Variants in METTL9 observed in about 807,000 individuals in gnomAD.
METTL9 encodes the protein methyltransferase 9, His-X-His N1(pi)-histidine, also known as protein-L-histidine N-pros-methyltransferase.
A neutral mutation model predicts 36.0 loss-of-function variants in METTL9; 10 were observed. The observed-to-expected ratio is 0.28, with a 90% CI of 0.17 to 0.47. The LOEUF (loss-of-function observed/expected upper bound fraction) is 0.47, where lower values mean the gene tolerates loss of function less well. Among genes scored for constraint, METTL9 ranks in the 20% least tolerant of loss-of-function variants. The pLI, the probability that METTL9 is intolerant of heterozygous loss-of-function variation, is 0.99. For missense variants in METTL9, 246 were observed against 383.5 expected, an observed-to-expected ratio of 0.64 and a Z score of 3.00; for synonymous variants, 175 against 149.7, an observed-to-expected ratio of 1.17 and a Z score of -1.23.
chr16:21,644,824 A>G (rs1966383266), intron 4 of METTL9, among the ~76,000 whole-genome samples: 1 of 152,184 alleles, frequency 6.6e-6, no homozygotes, highest in Non-Finnish European at 1.5e-5. Context: ...TAAGGGTGAT[A>G]TTTATAGCCT....
intron 4 of METTL9, chr16:21,644,472 C>T: frequency 3.9e-6 from 4 of 1,035,462 alleles, no homozygotes; most frequent in Admixed American, 2.0e-5. Flanking sequence ...AAGTATCCTT[C>T]ACACTGCGTT....
At chr16:21,643,171 GAA>G (rs760770473) in intron 4 of METTL9, 9 of 1,564,238 alleles carry the variant, frequency 5.8e-6, no homozygotes, top group Non-Finnish European at 6.1e-6. Flanking sequence ...AGACAAATGA[GAA>G]AAAAAAATTC....
chr16:21,625,567 T>C (rs974447693), intron 4 of METTL9, among the ~76,000 whole-genome samples: 4 of 152,186 alleles, frequency 2.6e-5, no homozygotes, highest in Non-Finnish European at 5.9e-5. Flanking sequence ...TGTTTTTTTC[T>C]CTTTTGAAGA....
chr16:21,617,438 A>AC (rs967275856), intron 2 of METTL9, among the ~76,000 whole-genome samples: 1 of 142,226 alleles, frequency 7.0e-6, no homozygotes, highest in African/African-American at 2.9e-5. Flanking sequence ...AAAAGAAAAA[A>AC]AAAATTAGGC....
chr16:21,649,338 A>G (rs758436910), intron 4 of METTL9, among the ~76,000 whole-genome samples: 4 of 152,152 alleles, frequency 2.6e-5, no homozygotes, highest in Non-Finnish European at 5.9e-5. Flanking sequence ...ACATGAGATG[A>G]GCTGGGAGCT....
chr16:21,635,304 G>A (rs1461876256), intron 4 of METTL9, among the ~76,000 whole-genome samples: 3 of 152,114 alleles, frequency 2.0e-5, no homozygotes, highest in African/African-American at 7.2e-5. Flanking sequence ...ATAACCGATA[G>A]CCTGGGGAGG....
At chr16:21,631,274 C>G (rs895188840) in intron 4 of METTL9, among the ~76,000 whole-genome samples, 1 of 152,128 alleles carries the variant, frequency 6.6e-6, no homozygotes, top group Non-Finnish European at 1.5e-5. Flanking sequence ...TTGATAGGGT[C>G]TGATTTCCAC....
chr16:21,600,259 C>T (rs1965082749), intron 1 of METTL9, among the ~76,000 whole-genome samples: 1 of 152,222 alleles, frequency 6.6e-6, no homozygotes, highest in Non-Finnish European at 1.5e-5. Context: ...GGGCGCCCGC[C>T]TGGCACCGAG....
At chr16:21,624,557 T>C (rs1004518744) in intron 3 of METTL9, among the ~76,000 whole-genome samples, 1 of 151,914 alleles carries the variant, frequency 6.6e-6, no homozygotes, top group Non-Finnish European at 1.5e-5. Context: ...TAAAACCCCG[T>C]CTCTACTAAA....
At chr16:21,615,050 T>C (rs1016224748) in intron 2 of METTL9, among the ~76,000 whole-genome samples, 3 of 152,206 alleles carry the variant, frequency 2.0e-5, no homozygotes, top group African/African-American at 7.2e-5. Flanking sequence ...TCCTTGTGAT[T>C]ACTGGAAACT....
chr16:21,637,468 G>C (rs753119965), intron 4 of METTL9, among the ~76,000 whole-genome samples: 28 of 152,224 alleles, frequency 1.8e-4, no homozygotes, highest in Admixed American at 4.6e-4. Context: ...AGTGCTGATT[G>C]GTGCATTTAC....
intron 4 of METTL9, among the ~76,000 whole-genome samples, chr16:21,633,007 A>G (rs1966002666): frequency 6.6e-6 from 1 of 152,074 alleles, no homozygotes; most frequent in Non-Finnish European, 1.5e-5. Context: ...CTTCTACTAG[A>G]TGAGTATTTG....
At chr16:21,600,608 CAG>C (rs1186256511) in intron 1 of METTL9, among the ~76,000 whole-genome samples, 1 of 152,138 alleles carries the variant, frequency 6.6e-6, no homozygotes, top group Non-Finnish European at 1.5e-5. Context: ...GTTTTTAAAA[CAG>C]AACGGGACGG....
Position 21,655,446 on chromosome 16 carries a change from G to T in METTL9, c.*14G>T. ...AAACCAGTATAAACACGTGGAGGTC[G>T]AAGTCTTCAGAGTCCGCACCCTCCG... On this transcript the variant is annotated 3_prime_UTR_variant, in exon 5 of 5. Transcript: ENST00000358154. The T allele has an allele frequency of 6.2e-7, 1 of 1,607,968 alleles. No individual in the cohort carries two copies. Among genetic ancestry groups the T allele is most frequent in the Non-Finnish European group, 8.5e-7 (1 of 1,175,244 alleles).
chr16:21,620,332 T>C (rs1332453162), intron 3 of METTL9, among the ~76,000 whole-genome samples: 3 of 152,194 alleles, frequency 2.0e-5, no homozygotes, highest in African/African-American at 4.8e-5. Context: ...TGACATGTTT[T>C]CCTTCAGTTA....
intron 4 of METTL9, among the ~76,000 whole-genome samples, chr16:21,635,948 C>T (rs562800392): frequency 2.0e-5 from 3 of 152,252 alleles, no homozygotes; most frequent in African/African-American, 4.8e-5. Flanking sequence ...GACGCATTCT[C>T]GAAAACCTGC....
At chr16:21,655,155 G>A in intron 4 of METTL9, 72 bp from the exon 5 acceptor site, 2 of 1,386,636 alleles carry the variant, frequency 1.4e-6, no homozygotes, top group South Asian at 1.3e-5. Flanking sequence ...GGTAGATATG[G>A]CTCCTCCCTG....
intron 4 of METTL9, among the ~76,000 whole-genome samples, chr16:21,632,058 A>G (rs1965976646): frequency 6.6e-6 from 1 of 151,534 alleles, no homozygotes; most frequent in Non-Finnish European, 1.5e-5. Context: ...TCTGCCAGCC[A>G]CTTATCCTGC....
At chr16:21,638,842 A>C (rs771957299) in intron 4 of METTL9, among the ~76,000 whole-genome samples, 11 of 152,112 alleles carry the variant, frequency 7.2e-5, no homozygotes, top group Admixed American at 4.6e-4. Flanking sequence ...GTTCAGTATG[A>C]CCCGAGGATA....
Sources: gnomAD v4.1 joint callset for allele counts (sites outside exome capture counted in the v4.1 genomes callset) on GRCh38, gnomAD v4.1.1 for gene constraint, MANE v1.5 for transcripts, NCBI Gene and HGNC (gene_info 2026-07-23, HGNC 2026-07-21) for gene names.